FRMD4A: variants seen among roughly 807,000 people sequenced by gnomAD.
FRMD4A encodes FERM domain containing 4A.
Under a neutral mutation model 129.1 loss-of-function variants are expected in FRMD4A, and 29 were observed. The ratio of observed to expected loss-of-function variants is 0.22; its 90% confidence interval spans 0.17 to 0.31. The LOEUF (loss-of-function observed/expected upper bound fraction) is 0.31, where lower values mean the gene tolerates loss of function less well. FRMD4A is among the 10% of genes least tolerant of loss of function. The probability of loss-of-function intolerance (pLI) is 1.00; values close to 1 mark genes in which losing one functional copy is unlikely to be tolerated. For synonymous variants in FRMD4A, 634 were observed against 571.6 expected, an observed-to-expected ratio of 1.11 and a Z score of -1.56; for missense variants, 1,272 against 1,375.8, an observed-to-expected ratio of 0.92 and a Z score of 1.19.
intron 2 of FRMD4A, among the ~76,000 whole-genome samples, chr10:14,283,443 A>G (rs529113179): frequency 6.6e-6 from 1 of 152,272 alleles, no homozygotes; most frequent in Non-Finnish European, 1.5e-5. Flanking sequence ...CTATATCCCT[A>G]TATTCATGGT....
At chr10:13,929,089 C>G (rs148481861) in intron 2 of FRMD4A, among the ~76,000 whole-genome samples, 40 of 152,300 alleles carry the variant, frequency 2.6e-4, no homozygotes, top group Admixed American at 2.6e-3. Context: ...TATTTGTAAG[C>G]GTGTTTGGCT....
chr10:14,066,994 C>T (rs1056834220), intron 2 of FRMD4A, among the ~76,000 whole-genome samples: 2 of 152,158 alleles, frequency 1.3e-5, no homozygotes, highest in Non-Finnish European at 2.9e-5. Context: ...CATACACAAA[C>T]TTGCAATGGA....
chr10:14,306,326 C>T (rs1013737183), intron 2 of FRMD4A, among the ~76,000 whole-genome samples: 1 of 152,124 alleles, frequency 6.6e-6, no homozygotes, highest in African/African-American at 2.4e-5. Context: ...CGGTGAAACG[C>T]CTGTTCCCAA....
Position 13,693,876 on chromosome 10 carries a change from C to CA in FRMD4A, c.1117+21_1117+22insT, listed in dbSNP as rs34157339. On this transcript the variant is annotated intron_variant, in intron 15 of 24. Coordinates refer to ENST00000357447, the MANE Select transcript of FRMD4A (RefSeq NM_018027.5). ...GTCCCAGCCATGCTCAGGGGGCGTC[C>CA]CTCCAGCTGGCCTCTGCCTACCTGA... 6,874 of 1,606,984 alleles carry CA rather than the reference C, an allele frequency of 4.3e-3. 12 individuals are homozygous for CA. The highest frequency in any genetic ancestry group is 5.4e-3 in the Non-Finnish European group (6,328 of 1,177,220).
chr10:13,995,792 C>G (rs1588707038), intron 2 of FRMD4A, among the ~76,000 whole-genome samples: 1 of 151,398 alleles, frequency 6.6e-6, no homozygotes, highest in Admixed American at 6.6e-5. Flanking sequence ...TTCAAATCGA[C>G]AAGTGCCCGT....
At chr10:13,962,481 A>G (rs2095452156) in intron 2 of FRMD4A, among the ~76,000 whole-genome samples, 1 of 152,222 alleles carries the variant, frequency 6.6e-6, no homozygotes, top group Non-Finnish European at 1.5e-5. Flanking sequence ...GCGTTTGTGA[A>G]GACTAGAACC....
chr10:13,985,968 C>T (rs1177463660), intron 2 of FRMD4A, among the ~76,000 whole-genome samples: 1 of 152,224 alleles, frequency 6.6e-6, no homozygotes, highest in Non-Finnish European at 1.5e-5. Context: ...CCCTCCCCAG[C>T]CCCACTGTCC....
intron 3 of FRMD4A, among the ~76,000 whole-genome samples, chr10:13,812,246 T>G (rs919273080): frequency 6.6e-5 from 10 of 152,240 alleles, no homozygotes; most frequent in Non-Finnish European, 1.5e-4. Flanking sequence ...CCAAAATGCA[T>G]GCGTTAAAGC....
At chr10:13,740,111 A>G in intron 11 of FRMD4A, 83 bp downstream of exon 11, 2 of 857,474 alleles carry the variant, frequency 2.3e-6, no homozygotes, top group South Asian at 1.4e-5. Flanking sequence ...AAGAAAAAGA[A>G]AAAGAAGAAA....
intron 15 of FRMD4A, among the ~76,000 whole-genome samples, chr10:13,679,077 T>C (rs918639204): frequency 1.3e-5 from 2 of 152,084 alleles, no homozygotes; most frequent in Non-Finnish European, 2.9e-5. Context: ...CTTCCCAGCC[T>C]CTAGAAACTT....
chr10:14,243,860 A>G lies in FRMD4A; in HGVS notation c.45+86198T>C, dbSNP rs181588635. Among the ~76,000 whole-genome samples, 159 of 150,162 alleles carry G rather than the reference A, an allele frequency of 1.1e-3. 1 individual carries two copies. Among genetic ancestry groups the G allele is most frequent in the African/African-American group, 3.7e-3 (150 of 41,000 alleles). ...AAAAAAAAAAGGAGTAGTCAGCCCC[A>G]GGACTGCAATCTAATTACATTCAAA... On this transcript the variant is annotated intron_variant, in intron 2 of 24. Transcript: ENST00000357447.
intron 2 of FRMD4A, among the ~76,000 whole-genome samples, chr10:14,098,082 A>T (rs889993719): frequency 9.0e-5 from 13 of 143,878 alleles, no homozygotes; most frequent in Non-Finnish European, 1.5e-4. Context: ...TATAAATTAT[A>T]TATTATATAA....
intron 2 of FRMD4A, among the ~76,000 whole-genome samples, chr10:13,875,502 G>T (rs2094479715): frequency 6.6e-6 from 1 of 152,156 alleles, no homozygotes; most frequent in Non-Finnish European, 1.5e-5. Flanking sequence ...CAAAGTTGGG[G>T]TCATATTGTT....
At chr10:13,968,259 G>A (rs1023235878) in intron 2 of FRMD4A, among the ~76,000 whole-genome samples, 4 of 152,150 alleles carry the variant, frequency 2.6e-5, no homozygotes, top group Non-Finnish European at 5.9e-5. Flanking sequence ...CTCATCCAGA[G>A]CCATCAGCCA....
intron 2 of FRMD4A, among the ~76,000 whole-genome samples, chr10:14,163,833 G>A (rs558978217): frequency 1.3e-5 from 2 of 152,328 alleles, no homozygotes; most frequent in African/African-American, 4.8e-5. Flanking sequence ...TGCTTCCCGA[G>A]TCGTGTTCCC....
chr10:14,182,909 T>G (rs984436409), intron 2 of FRMD4A, among the ~76,000 whole-genome samples: 2 of 152,150 alleles, frequency 1.3e-5, no homozygotes, highest in Non-Finnish European at 2.9e-5. Context: ...CACCTGGGAT[T>G]GTTGATTAGG....
At chr10:13,986,183 G>T (rs2095580550) in intron 2 of FRMD4A, among the ~76,000 whole-genome samples, 1 of 152,074 alleles carries the variant, frequency 6.6e-6, no homozygotes, top group African/African-American at 2.4e-5. Context: ...GGGTCCCCTG[G>T]GAAGTTTTAA....
chr10:13,760,864 C>A (rs1255030493), intron 8 of FRMD4A, among the ~76,000 whole-genome samples: 1 of 121,954 alleles, frequency 8.2e-6, no homozygotes, highest in Admixed American at 9.4e-5. Context: ...AATGGGCTAC[C>A]CTGGCCTTTT....
chr10:13,690,988 T>TTG (rs757356423), intron 15 of FRMD4A, among the ~76,000 whole-genome samples: 6 of 151,872 alleles, frequency 4.0e-5, no homozygotes, highest in African/African-American at 1.2e-4. Context: ...TGGATTTCAT[T>TTG]TGTGTGTGTG....
Sources: allele counts gnomAD v4.1 joint callset (sites outside exome capture counted in the v4.1 genomes callset), GRCh38; gene constraint gnomAD v4.1.1; transcripts MANE v1.5; gene names NCBI Gene and HGNC (gene_info 2026-07-23, HGNC 2026-07-21).